MID1: variants seen among roughly 807,000 people sequenced by gnomAD.
MID1 encodes the protein midline 1.
In MID1, 7 loss-of-function variants were observed where a neutral mutation model predicts 40.4. That is an observed-to-expected ratio of 0.17 (90% confidence interval 0.10 to 0.33). MID1 has a LOEUF of 0.33. Ranked by LOEUF, MID1 falls within the 10% of genes least tolerant of loss-of-function variation. The pLI is 1.00. For synonymous variants in MID1, 229 were observed against 221.2 expected (o/e 1.04, Z -0.31); for missense variants, 367 against 558.5 (o/e 0.66, Z 3.46).
At chrX:10,669,230 TAAAAAAAAAAAAAAA>T (rs761817483) in intron 1 of MID1, among the ~76,000 whole-genome samples, 2 of 47,018 alleles carry the variant, frequency 4.3e-5, no homozygotes, top group Non-Finnish European at 8.1e-5. Context: ...CGTCTCAAAA[TAAAAAAAAAAAAAAA>T]AAAAAAAAAA....
chrX:10,777,283 C>T (rs1478080141), intron 1 of MID1, among the ~76,000 whole-genome samples: 1 of 110,972 alleles, frequency 9.0e-6, no homozygotes, highest in Non-Finnish European at 1.9e-5. Flanking sequence ...ACTGCAAGTC[C>T]GCCTCCCAGG....
At chrX:10,626,669 C>A (rs1008893434) in intron 1 of MID1, among the ~76,000 whole-genome samples, 1 of 111,725 alleles carries the variant, frequency 9.0e-6, no homozygotes, top group Non-Finnish European at 1.9e-5. Flanking sequence ...ATGACGAGGA[C>A]AGAACACCTA....
At chrX:10,771,093 A>G (rs1358507731) in intron 1 of MID1, among the ~76,000 whole-genome samples, 2 of 102,084 alleles carry the variant, frequency 2.0e-5, no homozygotes, top group African/African-American at 7.4e-5. Context: ...TGAGAGAGAG[A>G]CTCTGTCTCA....
At chrX:10,569,975 T>C (rs1423341858) in intron 1 of MID1, among the ~76,000 whole-genome samples, 1 of 111,949 alleles carries the variant, frequency 8.9e-6, no homozygotes, top group Non-Finnish European at 1.9e-5. Context: ...ACTCCTGCCC[T>C]TCCCCCTATA....
chrX:10,741,014 T>A (rs999377765), intron 1 of MID1, among the ~76,000 whole-genome samples: 3 of 112,173 alleles, frequency 2.7e-5, no homozygotes, highest in African/African-American at 9.7e-5. Context: ...CCAAGCATAT[T>A]AGCAACTGAT....
At position 10,452,281 on chromosome X, in the gene MID1, G is replaced by A. The variant is rs149171293; in HGVS notation, c.1656-2565C>T. Among the ~76,000 whole-genome samples, 350 of 111,801 alleles carry A rather than the reference G, an allele frequency of 3.1e-3. 1 individual carries two copies. The highest frequency in any genetic ancestry group is 0.011 in the African/African-American group (336 of 30,757). ...GCATGAACCCGTTATTACTCATTTA[G>A]TTAACACCATTTCATAAAACACCAA... On this transcript the variant is annotated intron_variant, in intron 9 of 9. Coordinates refer to ENST00000317552, the MANE Select transcript of MID1 (RefSeq NM_000381.4).
intron 1 of MID1, among the ~76,000 whole-genome samples, chrX:10,672,004 C>T (rs6530407): frequency 0.081 from 8,996 of 111,206 alleles, 527 homozygotes; most frequent in African/African-American, 0.21. Flanking sequence ...GCAGGTGGAC[C>T]GCTTGAGCCC....
Position 10,817,562 on chromosome X carries a change from TTCTTTCTTTCTC to T in MID1, c.-187+15980_-187+15991del, listed in dbSNP as rs1193306130. ...TTTCTTTCTTTCTTTCTTTCTTTCT[TTCTTTCTTTCTC>T]TCTTTCTTTCTTTCTCTCTCTCTTT... is the stretch of plus-strand genomic sequence containing the variant. On this transcript the variant is annotated intron_variant, in intron 1 of 10. Coordinates refer to the MID1 transcript ENST00000380785. 3.7e-3 allele frequency among the ~76,000 whole-genome samples: 363 copies of T among 98,556 alleles called. 2 individuals are homozygous for T. The highest frequency in any genetic ancestry group is 0.013 in the African/African-American group (321 of 25,425). The allele number at this position is 98,556 out of a possible 115,157, so 85.6% of individuals were successfully genotyped here.
chrX:10,452,077 A>G (rs186860282), intron 9 of MID1, among the ~76,000 whole-genome samples: 17 of 111,587 alleles, frequency 1.5e-4, no homozygotes, highest in Non-Finnish European at 2.8e-4. Context: ...GTTGTGGCAC[A>G]GCATTTTTAT....
At chrX:10,469,632 C>G (rs1174584569) in intron 7 of MID1, 65 bp downstream of exon 7, 10 of 1,208,129 alleles carry the variant, frequency 8.3e-6, no homozygotes, top group Middle Eastern at 2.3e-4. Flanking sequence ...AGTTTAAATT[C>G]AGGAATGCAA....
chrX:10,782,110 C>G (rs1417411593), intron 1 of MID1, among the ~76,000 whole-genome samples: 1 of 112,205 alleles, frequency 8.9e-6, no homozygotes, highest in Non-Finnish European at 1.9e-5. Context: ...TGCATCTCAG[C>G]GTAAAGTGAT....
chrX:10,591,311 T>C (rs964364887), intron 1 of MID1, among the ~76,000 whole-genome samples: 2 of 112,486 alleles, frequency 1.8e-5, no homozygotes, highest in African/African-American at 6.5e-5. Context: ...TGGTTCTCTC[T>C]TTTACGTAGC....
intron 1 of MID1, among the ~76,000 whole-genome samples, chrX:10,747,858 C>T (rs771155512): frequency 4.4e-5 from 5 of 112,622 alleles, no homozygotes; most frequent in Admixed American, 9.4e-5. Context: ...TAAGATTACA[C>T]ATGCCTTCTA....
At chrX:10,620,160 C>G (rs1405229887) in intron 1 of MID1, 130 bp downstream of exon 1, 1 of 112,582 alleles carries the variant, frequency 8.9e-6, no homozygotes, top group Non-Finnish European at 1.9e-5. Flanking sequence ...AATGCAGCCC[C>G]GTCTTTCCGC....
chrX:10,699,508 A>G (rs1444184718), intron 1 of MID1, among the ~76,000 whole-genome samples: 4 of 111,479 alleles, frequency 3.6e-5, no homozygotes, highest in Admixed American at 1.9e-4. Flanking sequence ...ACCCTGTAAA[A>G]TTTGTTTGGA....
In MID1 at chrX:10,695,668, C is replaced by T. The variant is rs780453560; in HGVS notation, c.-186-75249G>A. On this transcript the variant is annotated intron_variant, in intron 1 of 10. Coordinates refer to the MID1 transcript ENST00000380785. ...TGTCAATTAAACTCTTTCTTTACTG[C>T]AATGCCATAGTCTCAGCGGACTGAT... Among the ~76,000 whole-genome samples, 5 of 112,000 alleles carry T rather than the reference C, an allele frequency of 4.5e-5. No homozygotes were observed. The East Asian group carries it at 1.4e-3, about 32-fold the overall frequency.
At chrX:10,799,383 A>C (rs2043990355) in intron 1 of MID1, among the ~76,000 whole-genome samples, 2 of 112,443 alleles carry the variant, frequency 1.8e-5, no homozygotes, top group Admixed American at 1.9e-4. Flanking sequence ...AGTACACAGA[A>C]TGTAATGAGG....
In MID1 at chrX:10,710,989, C is replaced by T. The variant is rs780619765; in HGVS notation, c.-186-90570G>A. On this transcript the variant is annotated intron_variant, in intron 1 of 10. Coordinates refer to the MID1 transcript ENST00000380785. ...CATGTCTTTTCTTTAGCCTGACTGC[C>T]GCACTCATTAAATGGCTCTTCATCT... Among the ~76,000 whole-genome samples, 8 of 111,374 alleles carry T rather than the reference C, an allele frequency of 7.2e-5. No homozygotes were observed. In the South Asian group the frequency reaches 1.1e-3, roughly 16 times the overall value.
chrX:10,465,208 T>C lies in MID1; in HGVS notation c.1285+4489A>G, dbSNP rs867692677. Among the ~76,000 whole-genome samples the C allele has an allele frequency of 2.7e-3, 179 of 65,098 alleles. 2 individuals carry two copies. Among genetic ancestry groups the C allele is most frequent in the African/African-American group, 0.014 (161 of 11,869 alleles). The allele number at this position is 65,098 out of a possible 115,157, so 56.5% of individuals were successfully genotyped here. On this transcript the variant is annotated intron_variant, in intron 7 of 9. Transcript: ENST00000317552. ...AATTTTATATATATATATATATATA[T>C]ATATATACACACACACACACACACA...
Sources: gnomAD v4.1 joint callset for allele counts (sites outside exome capture counted in the v4.1 genomes callset) on GRCh38, gnomAD v4.1.1 for gene constraint, MANE v1.5 for transcripts, NCBI Gene and HGNC (gene_info 2026-07-23, HGNC 2026-07-21) for gene names.